The following PPM1L variants were observed in gnomAD, a reference collection of about 807,000 sequenced individuals.
The protein encoded by PPM1L is protein phosphatase, Mg2+/Mn2+ dependent 1L, also known as protein phosphatase 1L.
PPM1L carries 13 observed loss-of-function variants against 31.4 expected under a neutral mutation model. The ratio of observed to expected loss-of-function variants is 0.41; its 90% CI spans 0.27 to 0.66. The LOEUF (loss-of-function observed/expected upper bound fraction) is 0.66. Ranked by LOEUF, PPM1L falls within the 30% of genes least tolerant of loss-of-function variation. The probability of loss-of-function intolerance (pLI) is 0.29; values close to 1 mark genes in which losing one functional copy is unlikely to be tolerated. For synonymous variants in PPM1L, 184 were observed against 175.4 expected, an observed-to-expected ratio of 1.05 and a Z score of -0.39; for missense variants, 326 against 453.7, an observed-to-expected ratio of 0.72 and a Z score of 2.56.
chr3:161,004,572 A>G (rs1717634589), intron 2 of PPM1L, among the ~76,000 whole-genome samples: 1 of 146,460 alleles, frequency 6.8e-6, no homozygotes, highest in African/African-American at 2.6e-5. Flanking sequence ...GTCTTGGGAG[A>G]GTGTATGTGT....
intron 1 of PPM1L, among the ~76,000 whole-genome samples, chr3:160,909,152 T>C (rs551181036): frequency 6.6e-6 from 1 of 152,138 alleles, no homozygotes; most frequent in South Asian, 2.1e-4. Context: ...AGATAAATAA[T>C]GGTAAGGTAA....
At chr3:160,883,780 A>G (rs765523634) in intron 1 of PPM1L, among the ~76,000 whole-genome samples, 4 of 148,748 alleles carry the variant, frequency 2.7e-5, no homozygotes, top group Non-Finnish European at 5.9e-5. Flanking sequence ...CTGACTAGTT[A>G]TATGATCTTA....
At chr3:160,989,243 T>G (rs796469181) in intron 2 of PPM1L, among the ~76,000 whole-genome samples, 4 of 152,270 alleles carry the variant, frequency 2.6e-5, no homozygotes, top group African/African-American at 9.6e-5. Context: ...AAAACCAACA[T>G]GATAATTGTC....
At position 161,068,809 on chromosome 3, in the gene PPM1L, A is replaced by C; in HGVS notation, c.737-2A>C. On this transcript the variant is annotated splice_acceptor_variant, in intron 3 of 3. Transcript: ENST00000498165. LOFTEE classifies it high-confidence loss of function. The stretch of plus-strand genomic sequence containing the variant: ...ACTAATGGGCTCATCCTGTCTTTCT[A>C]GGTGGTTTCATCAGTTTCAATGGCT... 6 of 1,600,712 alleles carry C rather than the reference A, an allele frequency of 3.7e-6. No homozygotes were observed. In the Admixed American group the frequency reaches 7.0e-5, roughly 19 times the overall value.
At chr3:161,027,909 C>T (rs1718454971) in intron 2 of PPM1L, among the ~76,000 whole-genome samples, 1 of 152,220 alleles carries the variant, frequency 6.6e-6, no homozygotes, top group African/African-American at 2.4e-5. Flanking sequence ...GAGGGCTCCT[C>T]ATGGCCTAGG....
At chr3:160,858,580 A>G (rs992854054) in intron 1 of PPM1L, among the ~76,000 whole-genome samples, 2 of 152,320 alleles carry the variant, frequency 1.3e-5, no homozygotes, top group South Asian at 2.1e-4. Context: ...ATTTGTTTTT[A>G]TAATGAATGG....
chr3:161,004,905 C>G (rs1227699646), intron 2 of PPM1L, among the ~76,000 whole-genome samples: 1 of 152,090 alleles, frequency 6.6e-6, no homozygotes, highest in Non-Finnish European at 1.5e-5. Flanking sequence ...TTTGCTCTTG[C>G]TTTTCTAGTT....
At chr3:161,053,495 CATT>C (rs1288702778) in intron 2 of PPM1L, among the ~76,000 whole-genome samples, 1 of 152,184 alleles carries the variant, frequency 6.6e-6, no homozygotes, top group East Asian at 1.9e-4. Flanking sequence ...GTGAAATAAA[CATT>C]ATTATTACAG....
At chr3:161,015,649 G>C (rs568635479) in intron 2 of PPM1L, among the ~76,000 whole-genome samples, 1 of 152,242 alleles carries the variant, frequency 6.6e-6, no homozygotes, top group East Asian at 1.9e-4. Flanking sequence ...CAGCTCTGAG[G>C]CTTTTTGTTT....
chr3:160,764,707 A>G (rs1391648500), intron 1 of PPM1L, among the ~76,000 whole-genome samples: 2 of 152,174 alleles, frequency 1.3e-5, no homozygotes, highest in Non-Finnish European at 2.9e-5. Flanking sequence ...ACCTCAGGCA[A>G]TCTGCCCCCC....
At chr3:161,013,635 C>G (rs571351416) in intron 2 of PPM1L, among the ~76,000 whole-genome samples, 2 of 152,182 alleles carry the variant, frequency 1.3e-5, no homozygotes, top group African/African-American at 2.4e-5. Context: ...GTTAAAGTCT[C>G]CCATTATTAT....
At chr3:160,790,434 T>C (rs1347767957) in intron 1 of PPM1L, among the ~76,000 whole-genome samples, 1 of 152,082 alleles carries the variant, frequency 6.6e-6, no homozygotes, top group Admixed American at 6.6e-5. Flanking sequence ...TGTATGTAAA[T>C]ATATAACAAG....
intron 1 of PPM1L, among the ~76,000 whole-genome samples, chr3:160,793,266 A>C (rs1440658040): frequency 6.6e-6 from 1 of 152,198 alleles, no homozygotes; most frequent in Non-Finnish European, 1.5e-5. Context: ...AATGATTTAA[A>C]ACTTATATAT....
intron 2 of PPM1L, among the ~76,000 whole-genome samples, chr3:161,001,545 A>G (rs1233041824): frequency 6.6e-6 from 1 of 152,208 alleles, no homozygotes; most frequent in African/African-American, 2.4e-5. Context: ...TGCTGGAATT[A>G]CACAGTTTTA....
At chr3:160,795,948 A>G (rs1712235208) in intron 1 of PPM1L, among the ~76,000 whole-genome samples, 1 of 152,124 alleles carries the variant, frequency 6.6e-6, no homozygotes, top group Non-Finnish European at 1.5e-5. Context: ...TTATTTTCCC[A>G]GAGAAAGCCC....
chr3:160,998,164 A>G (rs1363333729), intron 2 of PPM1L, among the ~76,000 whole-genome samples: 1 of 152,218 alleles, frequency 6.6e-6, no homozygotes. Context: ...ACATTTCCAC[A>G]TTCCAATTTT....
At chr3:160,882,015 C>T (rs1179123389) in intron 1 of PPM1L, among the ~76,000 whole-genome samples, 1 of 150,094 alleles carries the variant, frequency 6.7e-6, no homozygotes, top group South Asian at 2.1e-4. Context: ...TGCACCACTG[C>T]ACTCCAGCCT....
At chr3:160,916,336 A>C (rs1714181027) in intron 1 of PPM1L, among the ~76,000 whole-genome samples, 1 of 152,314 alleles carries the variant, frequency 6.6e-6, no homozygotes, top group Non-Finnish European at 1.5e-5. Context: ...CCATCAGAGA[A>C]ATGCAAATCA....
At chr3:160,806,284 G>A (rs80190832) in intron 1 of PPM1L, among the ~76,000 whole-genome samples, 19 of 152,160 alleles carry the variant, frequency 1.2e-4, no homozygotes, top group African/African-American at 4.6e-4. Context: ...CTCATACTTA[G>A]CTTACAAGAC....
Sources: allele counts gnomAD v4.1 joint callset (sites outside exome capture counted in the v4.1 genomes callset), GRCh38; gene constraint gnomAD v4.1.1; transcripts MANE v1.5; gene names NCBI Gene and HGNC (gene_info 2026-07-23, HGNC 2026-07-21).